MAST2: variants seen among roughly 807,000 people sequenced by gnomAD.
MAST2 encodes microtubule associated serine/threonine kinase 2.
A neutral mutation model predicts 147.4 loss-of-function variants in MAST2; 70 were observed. The ratio of observed to expected loss-of-function variants is 0.47; its 90% CI spans 0.39 to 0.58. The LOEUF (loss-of-function observed/expected upper bound fraction) is 0.58. Ranked by LOEUF, MAST2 falls within the 20% of genes least tolerant of loss-of-function variation. The pLI is 0.00. For synonymous variants in MAST2, 869 were observed against 896.8 expected, an observed-to-expected ratio of 0.97 and a Z score of 0.55; for missense variants, 2,080 against 2,302.3, an observed-to-expected ratio of 0.90 and a Z score of 1.98.
chr1:45,832,201 C>G (rs918211986), intron 3 of MAST2, among the ~76,000 whole-genome samples: 4 of 152,098 alleles, frequency 2.6e-5, no homozygotes, highest in Non-Finnish European at 5.9e-5. Flanking sequence ...CTAAAACAAA[C>G]AAACAAACAA....
At chr1:45,970,126 C>G (rs530209124) in intron 5 of MAST2, among the ~76,000 whole-genome samples, 2 of 152,290 alleles carry the variant, frequency 1.3e-5, no homozygotes, top group African/African-American at 4.8e-5. Context: ...TGCTCCGGCG[C>G]GTATCAAAAC....
chr1:45,963,135 G>T (rs986209839), intron 5 of MAST2, among the ~76,000 whole-genome samples: 2 of 152,124 alleles, frequency 1.3e-5, no homozygotes, highest in African/African-American at 4.8e-5. Flanking sequence ...CTCTGTTTTG[G>T]TACCAGTACC....
chr1:46,011,058 C>A (rs2149237922), intron 10 of MAST2, 119 bp downstream of exon 10: 1 of 814,504 alleles, frequency 1.2e-6, no homozygotes, highest in Non-Finnish European at 2.0e-6. Context: ...TTGTTACCCA[C>A]CCTCAAAGGT....
chr1:45,950,333 G>A (rs1250023156), intron 4 of MAST2, among the ~76,000 whole-genome samples: 2 of 152,128 alleles, frequency 1.3e-5, no homozygotes, highest in Admixed American at 1.3e-4. Context: ...CTTGTTTAGT[G>A]TAAGCAATTA....
At chr1:46,010,400 A>T (rs1157708689) in intron 9 of MAST2, among the ~76,000 whole-genome samples, 2 of 152,196 alleles carry the variant, frequency 1.3e-5, no homozygotes, top group Non-Finnish European at 2.9e-5. Flanking sequence ...GGAAGAGCAT[A>T]AACAGACAGG....
At position 45,816,221 on chromosome 1, in the gene MAST2, A is replaced by AAGAGAGAGAGAGAGAGAAAGAG. The variant is rs1553202490; in HGVS notation, c.178-8195_178-8194insAAGAGAGAGAGAGAGAGAGAGA. 2.0e-3 allele frequency among the ~76,000 whole-genome samples: 275 copies of AAGAGAGAGAGAGAGAGAAAGAG among 134,786 alleles called. 1 individual carries two copies. Among genetic ancestry groups the AAGAGAGAGAGAGAGAGAAAGAG allele is most frequent in the Middle Eastern group, 0.015 (4 of 266 alleles). 88.4% of individuals were successfully genotyped at this position (134,786 alleles called of 152,430 possible). ...GGGGTGGGGGGGAGAGAGAGAGAGA[A>AAGAGAGAGAGAGAGAGAAAGAG]AGAGAGAGAGAGAGAGAGAGAGACC... On this transcript the variant is annotated intron_variant, in intron 1 of 28. Transcript: ENST00000361297.
chr1:45,900,032 T>C (rs2148475800), intron 4 of MAST2, among the ~76,000 whole-genome samples: 1 of 151,704 alleles, frequency 6.6e-6, no homozygotes, highest in East Asian at 1.9e-4. Context: ...TAGCCAGGCA[T>C]GGTGGTGTGC....
intron 4 of MAST2, among the ~76,000 whole-genome samples, chr1:45,900,173 C>CAAATAAAAA (rs1649513386): frequency 1.8e-5 from 1 of 54,106 alleles, no homozygotes; most frequent in East Asian, 6.0e-4. Context: ...CTCTCTCTCT[C>CAAATAAAAA]AAAAAAAAAA....
chr1:45,978,963 A>G lies in MAST2; in HGVS notation c.593-18761A>G, dbSNP rs1332888453. 3.3e-5 allele frequency among the ~76,000 whole-genome samples: 5 copies of G among 152,292 alleles called. No individual in the cohort carries two copies. In the East Asian group the frequency reaches 7.7e-4, roughly 23 times the overall value. ...TGGTTATGATTGCATAGCTTTGTGA[A>G]TATACTAAAAACCTCTAAACTGCAC... is the stretch of plus-strand genomic sequence containing the variant. On this transcript the variant is annotated intron_variant, in intron 5 of 28. Transcript: ENST00000361297.
chr1:45,930,393 TTTG>T (rs1234722416), intron 4 of MAST2, among the ~76,000 whole-genome samples: 2 of 140,672 alleles, frequency 1.4e-5, no homozygotes, highest in African/African-American at 5.4e-5. Context: ...TTTTGTTTTT[TTTG>T]TTTTGTTTTG....
chr1:45,866,758 T>C (rs1299559364), intron 3 of MAST2, among the ~76,000 whole-genome samples: 3 of 152,090 alleles, frequency 2.0e-5, no homozygotes, highest in South Asian at 2.1e-4. Context: ...TTTTTTTTTT[T>C]TGAGATGGAG....
At chr1:45,924,812 T>C (rs191212381) in intron 4 of MAST2, among the ~76,000 whole-genome samples, 18 of 152,236 alleles carry the variant, frequency 1.2e-4, no homozygotes, top group Non-Finnish European at 2.9e-5. Context: ...ACTTGTGTCC[T>C]TACGAGAAGA....
intron 3 of MAST2, among the ~76,000 whole-genome samples, chr1:45,836,676 T>G (rs1300889263): frequency 6.6e-6 from 1 of 152,196 alleles, no homozygotes; most frequent in Non-Finnish European, 1.5e-5. Context: ...TATATCTATA[T>G]GTCAGTTGGC....
intron 2 of MAST2, among the ~76,000 whole-genome samples, chr1:45,825,472 G>T (rs565284324): frequency 3.4e-4 from 51 of 149,560 alleles, no homozygotes; most frequent in Non-Finnish European, 6.5e-4. Context: ...TCACTTTACT[G>T]CCCAGGCTGG....
chr1:45,949,368 T>C (rs1322394246), intron 4 of MAST2, among the ~76,000 whole-genome samples: 1 of 151,886 alleles, frequency 6.6e-6, no homozygotes, highest in Non-Finnish European at 1.5e-5. Flanking sequence ...TTAAACAAAT[T>C]TACAGGAGAA....
Position 46,021,930 on chromosome 1 carries a change from A to G in MAST2, c.1291-20A>G, listed in dbSNP as rs529016064. 7.1e-5 allele frequency: 114 copies of G among 1,613,610 alleles called. No homozygotes were observed. Among genetic ancestry groups the G allele is most frequent in the East Asian group, 1.1e-4 (5 of 44,880 alleles). On this transcript the variant is annotated intron_variant, in intron 11 of 28. Coordinates refer to ENST00000361297, the MANE Select transcript of MAST2 (RefSeq NM_015112.3). ...TCGCTTATATCTGTCACCACTGACT[A>G]TCTCTCTCCCTTGGTACAGGAGTTT...
intron 3 of MAST2, among the ~76,000 whole-genome samples, chr1:45,861,769 G>A (rs1327116332): frequency 1.3e-5 from 2 of 152,028 alleles, no homozygotes; most frequent in African/African-American, 4.8e-5. Context: ...AATGCAAGCT[G>A]GAAGAGTTGT....
At chr1:46,014,981 G>C (rs1472343484) in intron 10 of MAST2, among the ~76,000 whole-genome samples, 4 of 151,544 alleles carry the variant, frequency 2.6e-5, no homozygotes, top group East Asian at 1.9e-4. Flanking sequence ...CTGTCTCTCA[G>C]ACCACAGTGC....
chr1:45,827,833 T>C (rs571734439), intron 2 of MAST2, among the ~76,000 whole-genome samples: 45 of 152,306 alleles, frequency 3.0e-4, no homozygotes, highest in South Asian at 8.3e-4. Context: ...TTTCCTTTTT[T>C]TAAATTTTTT....
Sources: allele counts gnomAD v4.1 joint callset (sites outside exome capture counted in the v4.1 genomes callset), GRCh38; gene constraint gnomAD v4.1.1; transcripts MANE v1.5; gene names NCBI Gene and HGNC (gene_info 2026-07-23, HGNC 2026-07-21).